Variants in CSGALNACT1 observed in about 807,000 individuals in gnomAD.
CSGALNACT1 encodes chondroitin sulfate N-acetylgalactosaminyltransferase 1.
CSGALNACT1 carries 52 observed loss-of-function variants against 51.0 expected under a neutral mutation model. That is an observed-to-expected ratio of 1.02 (90% CI 0.82 to 1.29). The LOEUF (loss-of-function observed/expected upper bound fraction) is 1.29. Ranked by LOEUF, CSGALNACT1 falls within the 50% of genes most tolerant of loss-of-function variation. The pLI is 0.00. For synonymous variants in CSGALNACT1, 341 were observed against 254.4 expected (o/e 1.34, Z -3.24); for missense variants, 935 against 679.2 (o/e 1.38, Z -4.19).
At chr8:19,725,151 T>A (rs2063329610) in intron 1 of CSGALNACT1, among the ~76,000 whole-genome samples, 1 of 152,222 alleles carries the variant, frequency 6.6e-6, no homozygotes, top group Non-Finnish European at 1.5e-5. Context: ...CGAGTCTCCC[T>A]CTGACACTAT....
chr8:19,499,285 T>C (rs1236388286), intron 4 of CSGALNACT1, among the ~76,000 whole-genome samples: 1 of 152,328 alleles, frequency 6.6e-6, no homozygotes, highest in South Asian at 2.1e-4. Flanking sequence ...ATTTACCATA[T>C]GCTGTCATAA....
chr8:19,635,027 A>G (rs2055836075), intron 1 of CSGALNACT1, among the ~76,000 whole-genome samples: 1 of 152,214 alleles, frequency 6.6e-6, no homozygotes, highest in African/African-American at 2.4e-5. Context: ...GTTTTAAGTA[A>G]ATGTTGTACG....
intron 1 of CSGALNACT1, among the ~76,000 whole-genome samples, chr8:19,744,258 C>T (rs1312015018): frequency 6.6e-6 from 1 of 152,180 alleles, no homozygotes; most frequent in Non-Finnish European, 1.5e-5. Flanking sequence ...TTTAAAATTG[C>T]CACTTCAACC....
chr8:19,538,048 T>C (rs187292397), intron 3 of CSGALNACT1, among the ~76,000 whole-genome samples: 2 of 152,282 alleles, frequency 1.3e-5, no homozygotes, highest in East Asian at 1.9e-4. Context: ...TGGAGTGCAG[T>C]GGCTCATACC....
chr8:19,757,154 G>T lies in CSGALNACT1; in HGVS notation c.-297+696C>A, dbSNP rs1024446576. Reference sequence around the variant, plus strand: ...CTGACGCCCCCGCGCGGCACACCGCGCCCGGCTGGCCCGGGAGGGGACCCG... The same window carrying T: ...CTGACGCCCCCGCGCGGCACACCGCTCCCGGCTGGCCCGGGAGGGGACCCG... On this transcript the variant is annotated intron_variant, in intron 1 of 1. Transcript: ENST00000517494. This position sits in a 1 kb window ranked among gnomAD's most constrained non-coding sequence, Gnocchi z 4.0. The T allele has an allele frequency of 6.7e-6, 1 of 149,656 alleles. No homozygotes were observed. Among genetic ancestry groups the T allele is most frequent in the African/African-American group, 2.4e-5 (1 of 41,196 alleles). 9.3% of individuals were successfully genotyped at this position (149,656 alleles called of 1,614,324 possible).
intron 1 of CSGALNACT1, among the ~76,000 whole-genome samples, chr8:19,716,024 C>T (rs755191512): frequency 6.6e-6 from 1 of 152,106 alleles, no homozygotes; most frequent in Non-Finnish European, 1.5e-5. Context: ...GAATGAGGGT[C>T]GGAGGTTGTT....
chr8:19,658,862 C>T (rs2058522617), intron 1 of CSGALNACT1, among the ~76,000 whole-genome samples: 1 of 152,216 alleles, frequency 6.6e-6, no homozygotes, highest in Non-Finnish European at 1.5e-5. Flanking sequence ...AAAAGTGATA[C>T]ATAGTGTTTA....
At chr8:19,605,876 G>A (rs1235737429), upstream of CSGALNACT1, among the ~76,000 whole-genome samples, 1 of 152,158 alleles carries the variant, frequency 6.6e-6, no homozygotes, top group Admixed American at 6.5e-5. Flanking sequence ...TGAGTACATT[G>A]AGATCAATAA....
chr8:19,635,162 CAGAGGGGACCAGGAGGAG>C (rs1019760589), intron 1 of CSGALNACT1, among the ~76,000 whole-genome samples: 2 of 152,186 alleles, frequency 1.3e-5, no homozygotes, highest in African/African-American at 4.8e-5. Flanking sequence ...GCCATCAGGG[CAGAGGGGACCAGGAGGAG>C]AGGGAGGGAG....
At chr8:19,560,993 A>G (rs1343790857) in intron 3 of CSGALNACT1, among the ~76,000 whole-genome samples, 2 of 152,254 alleles carry the variant, frequency 1.3e-5, no homozygotes, top group Admixed American at 1.3e-4. Flanking sequence ...AGCAGAATAA[A>G]TGCATCTTAC....
chr8:19,617,501 A>C (rs992123679), intron 1 of CSGALNACT1, among the ~76,000 whole-genome samples: 1 of 152,232 alleles, frequency 6.6e-6, no homozygotes, highest in African/African-American at 2.4e-5. Context: ...TATGCTCTCC[A>C]AACATATATT....
chr8:19,737,090 ATT>A (rs1394264663), intron 1 of CSGALNACT1, among the ~76,000 whole-genome samples: 1 of 152,182 alleles, frequency 6.6e-6, no homozygotes, highest in Non-Finnish European at 1.5e-5. Context: ...TAAATACTAT[ATT>A]TTAAGTACTG....
intron 1 of CSGALNACT1, among the ~76,000 whole-genome samples, chr8:19,666,809 A>AAGAAAGAAAGAAAGAAAGAAAGAGAG (rs1564383214): frequency 4.0e-5 from 1 of 25,064 alleles, no homozygotes; most frequent in African/African-American, 2.5e-4. Context: ...GAAAGAAAGA[A>AAGAAAGAAAGAAAGAAAGAAAGAGAG]AGAGAGAGAG....
intron 3 of CSGALNACT1, among the ~76,000 whole-genome samples, chr8:19,585,945 C>T (rs1003668132): frequency 3.3e-5 from 5 of 152,174 alleles, no homozygotes; most frequent in African/African-American, 7.2e-5. Context: ...TGTGCCGATG[C>T]CCAGGCTGGG....
In CSGALNACT1 at chr8:19,420,338, A is replaced by G; in HGVS notation, c.1132+2T>C. ...TGAGCGTGACAGAGAGATGATCCAT[A>G]CCTGGCTGTGTATTCAGCCTACACG... On this transcript the variant is annotated splice_donor_variant, in intron 7 of 9. Coordinates refer to ENST00000454498, the Ensembl canonical transcript of CSGALNACT1. LOFTEE classifies it high-confidence loss of function. 3.1e-6 allele frequency: 5 copies of G among 1,614,056 alleles called. No individual in the cohort carries two copies. Among genetic ancestry groups the G allele is most frequent in the Non-Finnish European group, 4.2e-6 (5 of 1,179,918 alleles).
rs191588236 is a variant in CSGALNACT1, at chr8:19,438,408, G to A, written c.953+1422C>T. Reference sequence around the variant, plus strand: ...TATCATTCATGTTCTTCGTTTCTAAGCAGAGGTGAGAACATTTGTAATGTA... The same window carrying A: ...TATCATTCATGTTCTTCGTTTCTAAACAGAGGTGAGAACATTTGTAATGTA... On this transcript the variant is annotated intron_variant, in intron 6 of 9. Coordinates refer to ENST00000454498, the Ensembl canonical transcript of CSGALNACT1. 3.3e-5 allele frequency among the ~76,000 whole-genome samples: 5 copies of A among 152,336 alleles called. No homozygotes were observed. In the East Asian group the frequency reaches 9.6e-4, roughly 29 times the overall value.
chr8:19,513,166 T>G (rs2078770877), intron 3 of CSGALNACT1, among the ~76,000 whole-genome samples: 2 of 151,900 alleles, frequency 1.3e-5, no homozygotes, highest in South Asian at 4.2e-4. Context: ...ACCACCCTAC[T>G]CAAGGCTCCA....
chr8:19,559,444 TATTCAAC>T (rs1425120881), intron 3 of CSGALNACT1, among the ~76,000 whole-genome samples: 1 of 152,174 alleles, frequency 6.6e-6, no homozygotes, highest in East Asian at 1.9e-4. Context: ...TCCGCACTTC[TATTCAAC>T]ATTCAACATC....
At chr8:19,509,446 C>T (rs924651390) in intron 3 of CSGALNACT1, among the ~76,000 whole-genome samples, 1 of 151,822 alleles carries the variant, frequency 6.6e-6, no homozygotes, top group African/African-American at 2.4e-5. Flanking sequence ...TGGTAAAACC[C>T]CGCCTCTACT....
Sources: allele counts gnomAD v4.1 joint callset (sites outside exome capture counted in the v4.1 genomes callset), GRCh38; gene constraint gnomAD v4.1.1; non-coding constraint Gnocchi (gnomAD v3.1); transcripts MANE v1.5; gene names NCBI Gene and HGNC (gene_info 2026-07-23, HGNC 2026-07-21).